PRKG1: variants seen among roughly 807,000 people sequenced by gnomAD.
The protein encoded by PRKG1 is cGMP-dependent protein kinase 1.
In PRKG1, 35 loss-of-function variants were observed where a neutral mutation model predicts 88.1. That is an observed-to-expected ratio of 0.40 (90% CI 0.30 to 0.53). The LOEUF (loss-of-function observed/expected upper bound fraction) is 0.53. Among genes scored for constraint, PRKG1 ranks in the 20% least tolerant of loss-of-function variants. The pLI, the probability that PRKG1 is intolerant of heterozygous loss-of-function variation, is 0.59. For missense variants in PRKG1, 540 were observed against 839.8 expected (o/e 0.64, Z 4.41); for synonymous variants, 303 against 292.5 (o/e 1.04, Z -0.37).
At chr10:51,980,519 A>T (rs927510087) in intron 5 of PRKG1, among the ~76,000 whole-genome samples, 4 of 152,166 alleles carry the variant, frequency 2.6e-5, no homozygotes, top group Non-Finnish European at 4.4e-5. Flanking sequence ...TACTGAGTTC[A>T]GTTCTTCAAT....
intron 5 of PRKG1, among the ~76,000 whole-genome samples, chr10:52,044,235 T>C (rs1845814930): frequency 6.6e-6 from 1 of 152,100 alleles, no homozygotes; most frequent in Admixed American, 6.6e-5. Context: ...TACTTGGATA[T>C]ACCAAAATGT....
intron 9 of PRKG1, among the ~76,000 whole-genome samples, chr10:52,185,436 C>A (rs968356909): frequency 6.6e-6 from 1 of 152,186 alleles, no homozygotes; most frequent in Admixed American, 6.5e-5. Flanking sequence ...GGGTGTACCC[C>A]CTGTGGCAGC....
At chr10:52,246,073 C>T (rs1564530850) in intron 9 of PRKG1, among the ~76,000 whole-genome samples, 1 of 152,078 alleles carries the variant, frequency 6.6e-6, no homozygotes, top group African/African-American at 2.4e-5. Flanking sequence ...TGGGTTGAAA[C>T]ATTATATTTG....
chr10:51,760,884 G>A (rs10999321), intron 3 of PRKG1, among the ~76,000 whole-genome samples: 3,356 of 152,280 alleles, frequency 0.022, 127 homozygotes, highest in African/African-American at 0.076. Flanking sequence ...GGAGGCTGAA[G>A]CGGGTGGATC....
chr10:52,042,194 G>A (rs544638941), intron 5 of PRKG1, among the ~76,000 whole-genome samples: 202 of 152,106 alleles, frequency 1.3e-3, no homozygotes, highest in Non-Finnish European at 2.3e-3. Context: ...AAAATACTAA[G>A]GGCATTCTTT....
At chr10:52,224,997 T>C (rs1840357002) in intron 9 of PRKG1, among the ~76,000 whole-genome samples, 1 of 151,830 alleles carries the variant, frequency 6.6e-6, no homozygotes, top group Non-Finnish European at 1.5e-5. Context: ...TGGTTAGATA[T>C]CCAGTAGTTG....
chr10:51,538,809 G>A (rs1842229277), intron 3 of PRKG1, among the ~76,000 whole-genome samples: 1 of 151,988 alleles, frequency 6.6e-6, no homozygotes, highest in Admixed American at 6.6e-5. Flanking sequence ...TAAAAACACA[G>A]TTCAGTTTTT....
chr10:51,102,001 A>T (rs1378405267), intron 1 of PRKG1, among the ~76,000 whole-genome samples: 2 of 152,210 alleles, frequency 1.3e-5, no homozygotes, highest in African/African-American at 2.4e-5. Context: ...AGGTCTCAAA[A>T]TAGTTGTGAT....
intron 2 of PRKG1, among the ~76,000 whole-genome samples, chr10:51,391,153 G>A (rs1468053605): frequency 6.6e-6 from 1 of 152,148 alleles, no homozygotes; most frequent in African/African-American, 2.4e-5. Flanking sequence ...TGCTCTCTAA[G>A]GGTAGAGTCC....
chr10:51,189,963 G>T (rs1837590265), intron 2 of PRKG1, among the ~76,000 whole-genome samples: 1 of 151,778 alleles, frequency 6.6e-6, no homozygotes, highest in African/African-American at 2.4e-5. Context: ...GAAATAACAG[G>T]CAGGGTCCAG....
intron 1 of PRKG1, chr10:51,148,280 T>C: frequency 1.0e-6 from 1 of 984,922 alleles, no homozygotes; most frequent in Non-Finnish European, 1.2e-6. Flanking sequence ...GTGAAAATCA[T>C]TTATTGCTTC....
chr10:51,594,004 G>A (rs1307994963), intron 3 of PRKG1, among the ~76,000 whole-genome samples: 1 of 152,084 alleles, frequency 6.6e-6, no homozygotes, highest in East Asian at 1.9e-4. Flanking sequence ...GTGATTACAG[G>A]TGTGGGCCAC....
intron 2 of PRKG1, among the ~76,000 whole-genome samples, chr10:51,281,280 G>T (rs141542541): frequency 0.063 from 9,633 of 152,200 alleles, 999 homozygotes; most frequent in African/African-American, 0.22. Flanking sequence ...CTACTGGGGG[G>T]TGCCTCCCAG....
chr10:51,280,561 G>C (rs570375931), intron 2 of PRKG1, among the ~76,000 whole-genome samples: 2 of 152,262 alleles, frequency 1.3e-5, no homozygotes, highest in African/African-American at 4.8e-5. Context: ...TGGAGGCTTT[G>C]TTCATTTCTT....
intron 3 of PRKG1, among the ~76,000 whole-genome samples, chr10:51,519,900 A>C (rs544014720): frequency 2.2e-4 from 34 of 152,346 alleles, no homozygotes; most frequent in Non-Finnish European, 4.7e-4. Flanking sequence ...TTATCTCAGA[A>C]AGAAACAGGA....
At chr10:51,752,376 C>T (rs779825035) in intron 3 of PRKG1, among the ~76,000 whole-genome samples, 3 of 152,164 alleles carry the variant, frequency 2.0e-5, no homozygotes, top group Non-Finnish European at 4.4e-5. Context: ...TCTTTTGTCT[C>T]CTCTAATCTC....
intron 11 of PRKG1, 51 bp downstream of exon 11, chr10:52,271,540 C>T: frequency 1.3e-6 from 2 of 1,581,848 alleles, no homozygotes; most frequent in Non-Finnish European, 8.6e-7. Context: ...GTGACAAATC[C>T]ACCACAAAAC....
chr10:51,341,409 CT>C (rs1209544889), intron 2 of PRKG1, among the ~76,000 whole-genome samples: 1 of 152,124 alleles, frequency 6.6e-6, no homozygotes, highest in Non-Finnish European at 1.5e-5. Context: ...GAAGTAAAGC[CT>C]GTTGTTGGGA....
chr10:51,006,500 T>G (rs1053195645), intron 1 of PRKG1, among the ~76,000 whole-genome samples: 1 of 152,250 alleles, frequency 6.6e-6, no homozygotes, highest in Non-Finnish European at 1.5e-5. Context: ...TTTAACCCTG[T>G]GACAGGAATG....
Sources: allele counts gnomAD v4.1 joint callset (sites outside exome capture counted in the v4.1 genomes callset), GRCh38; gene constraint gnomAD v4.1.1; transcripts MANE v1.5; gene names NCBI Gene and HGNC (gene_info 2026-07-23, HGNC 2026-07-21).